The following RTCA variants were observed in gnomAD, a reference collection of about 807,000 sequenced individuals.
The protein encoded by RTCA is RNA terminal phosphate cyclase domain 1.
RTCA carries 37 observed loss-of-function variants against 46.1 expected under a neutral mutation model. The ratio of observed to expected loss-of-function variants is 0.80; its 90% CI spans 0.62 to 1.06. The LOEUF is 1.06. Among genes scored for constraint, RTCA ranks in the 50% least tolerant of loss-of-function variants. The pLI, the probability that RTCA is intolerant of heterozygous loss-of-function variation, is 0.00. For synonymous variants in RTCA, 164 were observed against 158.3 expected (o/e 1.04, Z -0.27); for missense variants, 435 against 455.5 (o/e 0.95, Z 0.41).
At chr1:100,270,815 C>CTTTTT in intron 4 of RTCA, 135 bp downstream of exon 4, 1 of 902,228 alleles carries the variant, frequency 1.1e-6, no homozygotes, top group Non-Finnish European at 1.6e-6. Context: ...TTCTTTCTTT[C>CTTTTT]TTTTTTTTTT....
chr1:100,267,831 C>T (rs956846455), intron 2 of RTCA, among the ~76,000 whole-genome samples: 3 of 152,148 alleles, frequency 2.0e-5, no homozygotes, highest in Admixed American at 1.3e-4. Flanking sequence ...ATAGATTGTT[C>T]AGTCAAGTGC....
chr1:100,276,335 C>T (rs553471148), intron 7 of RTCA, among the ~76,000 whole-genome samples: 19 of 152,234 alleles, frequency 1.2e-4, no homozygotes, highest in East Asian at 1.2e-3. Context: ...GCATAAAATA[C>T]GTCAAATGTG....
chr1:100,281,481 T>C (rs751360626), intron 8 of RTCA, among the ~76,000 whole-genome samples: 1 of 152,242 alleles, frequency 6.6e-6, no homozygotes, highest in Admixed American at 6.5e-5. Context: ...GTGATTGCAT[T>C]ATAGACAGAA....
At chr1:100,287,297 A>G in intron 10 of RTCA, 94 bp downstream of exon 10, 1 of 779,640 alleles carries the variant, frequency 1.3e-6, no homozygotes. Flanking sequence ...TAGTAATCAT[A>G]ATTGCTATCA....
chr1:100,275,697 A>G lies in RTCA; in HGVS notation c.714A>G (p.Gln238=). The part of the protein sequence containing the change: ...NIQPVQEPKD[Q]AFGNGNGIII... Reference sequence around the variant, plus strand: ...AGCCTGTTCAAGAACCTAAAGACCAAGCATTTGGCAATGGAAATGGAATAA... The same window carrying G: ...AGCCTGTTCAAGAACCTAAAGACCAGGCATTTGGCAATGGAAATGGAATAA... The change falls in exon 7 of 11, where the codon CAA becomes CAG. Residue 238 remains glutamine, a synonymous_variant. Coordinates refer to ENST00000370128, the MANE Select transcript of RTCA (RefSeq NM_003729.4). The G allele has an allele frequency of 6.2e-7, 1 of 1,611,120 alleles. No homozygotes were observed. The highest frequency in any genetic ancestry group is 2.2e-5 in the East Asian group (1 of 44,740).
At chr1:100,268,639 C>A (rs1238173129) in intron 3 of RTCA, among the ~76,000 whole-genome samples, 1 of 152,178 alleles carries the variant, frequency 6.6e-6, no homozygotes, top group Non-Finnish European at 1.5e-5. Context: ...AAGCAATCCA[C>A]CCACGTTGGC....
chr1:100,269,084 C>T (rs1344412437), intron 3 of RTCA, among the ~76,000 whole-genome samples: 3 of 150,924 alleles, frequency 2.0e-5, no homozygotes, highest in South Asian at 2.1e-4. Context: ...TGGTACATGC[C>T]GGTAGTCCCA....
chr1:100,279,264 C>G (rs955946988), intron 8 of RTCA, among the ~76,000 whole-genome samples: 1 of 152,150 alleles, frequency 6.6e-6, no homozygotes. Context: ...ATTCCTGCCT[C>G]CTGGGTTATT....
At chr1:100,273,636 A>G (rs1010907466) in intron 5 of RTCA, among the ~76,000 whole-genome samples, 184 bp downstream of exon 5, 11 of 152,208 alleles carry the variant, frequency 7.2e-5, no homozygotes, top group Admixed American at 3.3e-4. Context: ...GAGAGCAGCT[A>G]CACATCATGG....
intron 4 of RTCA, 123 bp downstream of exon 4, chr1:100,270,803 C>T: frequency 8.6e-7 from 1 of 1,156,238 alleles, no homozygotes; most frequent in Non-Finnish European, 1.2e-6. Context: ...GGTGTCTTTT[C>T]TTTCTTTCTT....
At chr1:100,271,702 T>C (rs1303386403) in intron 4 of RTCA, among the ~76,000 whole-genome samples, 1 of 152,202 alleles carries the variant, frequency 6.6e-6, no homozygotes, top group Non-Finnish European at 1.5e-5. Flanking sequence ...TAAAGTGTAA[T>C]TTTTTCAATT....
intron 3 of RTCA, among the ~76,000 whole-genome samples, chr1:100,269,199 A>G (rs921353944): frequency 6.6e-6 from 1 of 151,902 alleles, no homozygotes; most frequent in Non-Finnish European, 1.5e-5. Context: ...CCCTGTCTCA[A>G]AAAAAGAAAA....
intron 8 of RTCA, among the ~76,000 whole-genome samples, chr1:100,280,139 A>G (rs1306121346): frequency 2.0e-5 from 3 of 152,226 alleles, no homozygotes; most frequent in Non-Finnish European, 2.9e-5. Flanking sequence ...TTTGCTGGCC[A>G]GTTGGGTATG....
intron 8 of RTCA, among the ~76,000 whole-genome samples, chr1:100,284,236 G>A (rs1420943824): frequency 6.6e-6 from 1 of 151,996 alleles, no homozygotes; most frequent in African/African-American, 2.4e-5. Flanking sequence ...TGGAGAGATA[G>A]GGAATAGGGC....
At chr1:100,280,740 G>A (rs1246417236) in intron 8 of RTCA, among the ~76,000 whole-genome samples, 2 of 152,184 alleles carry the variant, frequency 1.3e-5, no homozygotes, top group Non-Finnish European at 2.9e-5. Flanking sequence ...GGTGGCGTAT[G>A]CCTGTAATCC....
chr1:100,271,719 A>G (rs2100792992), intron 4 of RTCA, among the ~76,000 whole-genome samples: 1 of 152,236 alleles, frequency 6.6e-6, no homozygotes, highest in South Asian at 2.1e-4. Context: ...AATTGAATCC[A>G]CCCTTTTTAA....
At chr1:100,289,127 CT>C (rs902403432) in intron 10 of RTCA, among the ~76,000 whole-genome samples, 106 of 145,992 alleles carry the variant, frequency 7.3e-4, no homozygotes, top group Non-Finnish European at 8.2e-4. Context: ...CCTGGCCTTT[CT>C]TTTTTTTTTT....
In RTCA at chr1:100,270,647, T is replaced by C; in HGVS notation, c.381T>C (p.Ala127=). ...SELHLKGGTN[A]EMAPQIDYTV... ...TTCATTTGAAAGGTGGAACTAATGC[T>C]GAAATGGCACCACAGATCGATTATA... The change falls in exon 4 of 11, where the codon GCT becomes GCC. Residue 127 remains alanine, a synonymous_variant. Transcript: ENST00000370128. 1.2e-6 allele frequency: 2 copies of C among 1,614,136 alleles called. No homozygotes were observed. The highest frequency in any genetic ancestry group is 1.7e-6 in the Non-Finnish European group (2 of 1,179,986).
At chr1:100,282,240 T>C (rs1666748620) in intron 8 of RTCA, among the ~76,000 whole-genome samples, 1 of 152,194 alleles carries the variant, frequency 6.6e-6, no homozygotes, top group African/African-American at 2.4e-5. Context: ...TTCATGCCAT[T>C]ACTATCAAGG....
Sources: allele counts gnomAD v4.1 joint callset (sites outside exome capture counted in the v4.1 genomes callset), GRCh38; gene constraint gnomAD v4.1.1; transcripts MANE v1.5; gene names NCBI Gene and HGNC (gene_info 2026-07-23, HGNC 2026-07-21).